The following PEX11G variants were observed in gnomAD, a reference collection of about 807,000 sequenced individuals.
The protein encoded by PEX11G is peroxisomal membrane protein 11C.
A neutral mutation model predicts 22.5 loss-of-function variants in PEX11G; 20 were observed. That is an observed-to-expected ratio of 0.89 (90% CI 0.62 to 1.29). PEX11G has a LOEUF of 1.29. Ranked by LOEUF, PEX11G falls within the 50% of genes most tolerant of loss-of-function variation. The pLI, the probability that PEX11G is intolerant of heterozygous loss-of-function variation, is 0.00. For missense variants in PEX11G, 347 were observed against 331.3 expected (o/e 1.05, Z -0.37); for synonymous variants, 141 against 154.5 (o/e 0.91, Z 0.65).
At chr19:7,485,167 T>C (rs893876445) in intron 2 of PEX11G, among the ~76,000 whole-genome samples, 1 of 145,262 alleles carries the variant, frequency 6.9e-6, no homozygotes, top group Non-Finnish European at 1.5e-5. Flanking sequence ...TAAAAAAAAT[T>C]TTTTTTGTTT....
chr19:7,478,736 G>A (rs1385423029), intron 3 of PEX11G, among the ~76,000 whole-genome samples: 1 of 152,230 alleles, frequency 6.6e-6, no homozygotes, highest in Non-Finnish European at 1.5e-5. Context: ...GCCCGCAGTT[G>A]GACAGGCGTG....
Position 7,477,390 on chromosome 19 carries a change from A to C in PEX11G, c.538T>G (p.Ser180Ala). The C allele has an allele frequency of 1.3e-6, 2 of 1,542,274 alleles. No homozygotes were observed. Residue 180 changes from serine to alanine, a missense_variant, in exon 5 of 5, where the codon TCG (serine) becomes GCG (alanine). Coordinates refer to ENST00000221480, the MANE Select transcript of PEX11G (RefSeq NM_080662.4). Reference sequence around the variant, plus strand: ...TTGCTGAGAAGTGACAGCGCCTCCGACTGCATCTGCGCCTCCATGGCCCTC... The same window carrying C: ...TTGCTGAGAAGTGACAGCGCCTCCGCCTGCATCTGCGCCTCCATGGCCCTC... The part of the protein sequence containing the change: ...KRRAMEAQMQ[S>A]EALSLLSNLA...
At chr19:7,493,909 CTT>C (rs1362239751), upstream of PEX11G, among the ~76,000 whole-genome samples, 35 of 130,702 alleles carry the variant, frequency 2.7e-4, no homozygotes, top group Admixed American at 3.8e-4. Flanking sequence ...GGGGGTCACT[CTT>C]TTTTTTTTTT....
At position 7,482,090 on chromosome 19, in the gene PEX11G, C is replaced by G. The variant is rs770994271; in HGVS notation, c.371G>C (p.Arg124Pro). The G allele has an allele frequency of 7.5e-6, 12 of 1,606,046 alleles. No individual in the cohort carries two copies. Among genetic ancestry groups the G allele is most frequent in the Admixed American group, 1.7e-5 (1 of 59,162 alleles). Residue 124 changes from arginine to proline, a missense_variant, in exon 3 of 5, where the codon CGG (arginine) becomes CCG (proline). Physicochemically the swap from Arg to Pro is moderately radical, Grantham distance 103. Coordinates refer to ENST00000221480, the MANE Select transcript of PEX11G (RefSeq NM_080662.4). The stretch of plus-strand genomic sequence containing the variant: ...CAGGGTTGTACTCAGCGTCCACCAC[C>G]GAGAAGAGTCCACGTGGAGGACCCG... ...DARVLHVDSS[R>P]WWTLSTTLWA...
intron 1 of PEX11G, 90 bp from the exon 2 acceptor site, chr19:7,486,116 T>G: frequency 1.7e-6 from 2 of 1,147,852 alleles, no homozygotes; most frequent in South Asian, 3.3e-5. Flanking sequence ...CCCCGCTGGA[T>G]TGAGAGTGTG....
chr19:7,493,446 C>T (rs915801220), upstream of PEX11G, among the ~76,000 whole-genome samples: 2 of 151,912 alleles, frequency 1.3e-5, no homozygotes, highest in African/African-American at 2.4e-5. Context: ...CCACCCACTT[C>T]GGCCTCCCAA....
chr19:7,491,428 C>A (rs1368687742), upstream of PEX11G, among the ~76,000 whole-genome samples: 1 of 151,534 alleles, frequency 6.6e-6, no homozygotes, highest in Non-Finnish European at 1.5e-5. Flanking sequence ...CACCACCACA[C>A]CCGGCTAATT....
Position 7,477,274 on chromosome 19 carries a change from G to A in PEX11G, c.654C>T (p.Gly218=). Residue 218 remains glycine (G), a synonymous_variant, in exon 5 of 5, where the codon GGC becomes GGT. Transcript: ENST00000221480. ...ACATGCTGAGGATTGAGGAGATGGT[G>A]CCCATGAGGCCCACTAGCCACGGCG... ...RFPPWLVGLM[G]TISSILSMYQ... is the part of the protein sequence containing the mutation. 1 of 1,584,136 alleles carries A rather than the reference G, an allele frequency of 6.3e-7. No homozygotes were observed. Among genetic ancestry groups the A allele is most frequent in the Non-Finnish European group, 8.6e-7 (1 of 1,167,208 alleles).
upstream of PEX11G, among the ~76,000 whole-genome samples, chr19:7,491,534 G>A (rs145991157): frequency 3.9e-5 from 6 of 152,250 alleles, no homozygotes; most frequent in East Asian, 1.2e-3. Context: ...CTCCCAAAGT[G>A]CTGGGATTAC....
At chr19:7,477,768 G>A (rs950849153) in intron 4 of PEX11G, among the ~76,000 whole-genome samples, 3 of 152,360 alleles carry the variant, frequency 2.0e-5, no homozygotes, top group Non-Finnish European at 2.9e-5. Context: ...ACCCCCAGGA[G>A]CGTGGCCTGT....
At chr19:7,480,994 T>C (rs4381702) in intron 3 of PEX11G, among the ~76,000 whole-genome samples, 2,680 of 152,230 alleles carry the variant, frequency 0.018, 85 homozygotes, top group African/African-American at 0.06. Context: ...CTGTTTTCTC[T>C]GGGGTGTCGG....
chr19:7,488,880 T>C (rs896234163), intron 1 of PEX11G, 71 bp downstream of exon 1: 2 of 1,497,970 alleles, frequency 1.3e-6, no homozygotes, highest in African/African-American at 2.8e-5. Flanking sequence ...GTCCCCTCTC[T>C]GGCCCGTTTC....
At position 7,485,644 on chromosome 19, in the gene PEX11G, T is replaced by C. The variant is rs11669461; in HGVS notation, c.249+194A>G. Among the ~76,000 whole-genome samples, 3,898 of 152,056 alleles carry C rather than the reference T, an allele frequency of 0.026. 72 individuals are homozygous for C. Among genetic ancestry groups the C allele is most frequent in the Non-Finnish European group, 0.04 (2,688 of 67,924 alleles). On this transcript the variant is annotated intron_variant, in intron 2 of 4. Coordinates refer to ENST00000221480, the MANE Select transcript of PEX11G (RefSeq NM_080662.4). ...TGCTGGGATTACAGGCATGAGCCAC[T>C]GCACCCAGCCGAGACAGGGTTTTAC...
At chr19:7,490,209 TGTTG>T (rs1376958644), upstream of PEX11G, among the ~76,000 whole-genome samples, 1 of 152,080 alleles carries the variant, frequency 6.6e-6, no homozygotes, top group South Asian at 2.1e-4. Flanking sequence ...TGCTGCTATA[TGTTG>T]AAGGTGCTAT....
intron 1 of PEX11G, 47 bp from the exon 2 acceptor site, chr19:7,486,073 A>G: frequency 6.6e-7 from 1 of 1,510,000 alleles, no homozygotes; most frequent in African/African-American, 1.4e-5. Flanking sequence ...GTTCTGCAGA[A>G]CTGAGCTGCA....
chr19:7,489,232 T>C, upstream of PEX11G: 1 of 1,210,826 alleles, frequency 8.3e-7, no homozygotes, highest in Non-Finnish European at 1.0e-6. Context: ...ATCCTCGGAG[T>C]TTGCTGCATT....
At position 7,482,072 on chromosome 19, in the gene PEX11G, G is replaced by A. The variant is rs1977513383; in HGVS notation, c.389C>T (p.Thr130Ile). 1 of 1,597,472 alleles carries A rather than the reference G, an allele frequency of 6.3e-7. No individual in the cohort carries two copies. Among genetic ancestry groups the A allele is most frequent in the Non-Finnish European group, 8.5e-7 (1 of 1,173,856 alleles). The change falls in exon 3 of 5, where the codon ACA becomes ATA. Residue 130 changes from threonine (T) to isoleucine (I), a missense_variant. Thr to Ile is a moderately conservative substitution (Grantham distance 89, BLOSUM62 -1). Transcript: ENST00000221480. ...GAGCAGAGAGAGGGCCCACAGGGTT[G>A]TACTCAGCGTCCACCACCGAGAAGA... ...VDSSRWWTLS[T>I]TLWALSLLLG...
chr19:7,489,077 C>T (rs995997049), upstream of PEX11G: 14 of 1,423,746 alleles, frequency 9.8e-6, no homozygotes, highest in East Asian at 2.3e-4. Context: ...GCCGGGGTAC[C>T]GGGAGCGCCC....
chr19:7,494,299 C>T (rs147268535), intron 1 of PEX11G, among the ~76,000 whole-genome samples: 1,862 of 152,144 alleles, frequency 0.012, 32 homozygotes, highest in African/African-American at 0.042. Flanking sequence ...GTCTGAGGCA[C>T]GAGAATCGAT....
Sources: gnomAD v4.1 joint callset for allele counts (sites outside exome capture counted in the v4.1 genomes callset) on GRCh38, gnomAD v4.1.1 for gene constraint, MANE v1.5 for transcripts, NCBI Gene and HGNC (gene_info 2026-07-23, HGNC 2026-07-21) for gene names.